The following DAB1 variants were observed in gnomAD, a reference collection of about 807,000 sequenced individuals.
DAB1 encodes DAB adaptor protein 1.
DAB1 carries 15 observed loss-of-function variants against 64.6 expected under a neutral mutation model. The ratio of observed to expected loss-of-function variants is 0.23; its 90% CI spans 0.16 to 0.36. The LOEUF is 0.36. DAB1 is among the 10% of genes least tolerant of loss of function. The pLI is 1.00. For synonymous variants in DAB1, 235 were observed against 251.9 expected (o/e 0.93, Z 0.64); for missense variants, 596 against 706.7 (o/e 0.84, Z 1.78).
chr1:57,722,166 A>T lies in DAB1; in HGVS notation n.552-72501T>A, dbSNP rs76689919. On this transcript the variant is annotated intron_variant and non_coding_transcript_variant, in intron 6 of 20. Coordinates refer to the DAB1 transcript ENST00000485760. ...ATCCAGAAAGCAGGGAGCAATTCAC[A>T]CTTTATGTAAAGCAATTCACACTTT... 2.9e-3 allele frequency among the ~76,000 whole-genome samples: 434 copies of T among 151,652 alleles called. 11 individuals carry two copies. The East Asian group carries it at 0.069, about 24-fold the overall frequency.
chr1:58,200,433 G>A (rs1304476939), intron 4 of DAB1, among the ~76,000 whole-genome samples: 1 of 151,942 alleles, frequency 6.6e-6, no homozygotes, highest in Non-Finnish European at 1.5e-5. Context: ...CCCTGGTTTA[G>A]CTAGTTTTTT....
intron 3 of DAB1, among the ~76,000 whole-genome samples, chr1:58,345,898 C>T (rs766226818): frequency 1.3e-5 from 2 of 152,290 alleles, no homozygotes; most frequent in Non-Finnish European, 1.5e-5. Flanking sequence ...CCTCCCTCCC[C>T]GTCCTGGGTC....
At chr1:57,690,923 T>C (rs1428539377) in intron 6 of DAB1, among the ~76,000 whole-genome samples, 1 of 152,212 alleles carries the variant, frequency 6.6e-6, no homozygotes, top group Non-Finnish European at 1.5e-5. Context: ...TATATGCCTG[T>C]TTACCATTTG....
intron 7 of DAB1, among the ~76,000 whole-genome samples, chr1:57,457,980 T>C (rs1171190074): frequency 6.6e-6 from 1 of 152,152 alleles, no homozygotes; most frequent in African/African-American, 2.4e-5. Context: ...AAAAACTTGC[T>C]GTACTTTAGG....
chr1:58,300,654 A>AGAG (rs1662145135), intron 4 of DAB1, among the ~76,000 whole-genome samples: 1 of 81,320 alleles, frequency 1.2e-5, no homozygotes, highest in Non-Finnish European at 2.4e-5. Context: ...GAGAGGAAGG[A>AGAG]AGGAAGGAAG....
intron 6 of DAB1, among the ~76,000 whole-genome samples, chr1:57,704,878 TTTCCTTCC>T (rs57907821): frequency 1.4e-4 from 20 of 146,368 alleles, no homozygotes; most frequent in Admixed American, 4.8e-4. Context: ...GGAAATTTCT[TTTCCTTCC>T]TTCCTTCCTT....
At chr1:57,435,501 ATCT>A (rs1350245279) in intron 7 of DAB1, among the ~76,000 whole-genome samples, 2 of 152,130 alleles carry the variant, frequency 1.3e-5, no homozygotes, top group Non-Finnish European at 2.9e-5. Flanking sequence ...CATTTTCCTT[ATCT>A]TCTTAGTCTA....
At chr1:58,537,972 C>T (rs192719788) in intron 1 of DAB1, among the ~76,000 whole-genome samples, 7 of 152,226 alleles carry the variant, frequency 4.6e-5, no homozygotes, top group Admixed American at 6.5e-5. Context: ...CTGGGATGAG[C>T]GTATTACTTC....
intron 3 of DAB1, among the ~76,000 whole-genome samples, chr1:58,368,515 C>T (rs563183392): frequency 6.6e-6 from 1 of 151,956 alleles, no homozygotes; most frequent in African/African-American, 2.4e-5. Context: ...GTAGCAGAGA[C>T]TCTTGTTTTC....
At chr1:57,968,910 T>C (rs1297667372) in intron 5 of DAB1, among the ~76,000 whole-genome samples, 1 of 152,182 alleles carries the variant, frequency 6.6e-6, no homozygotes, top group Non-Finnish European at 1.5e-5. Flanking sequence ...GTAAGACTTC[T>C]CATCTTTAAA....
intron 2 of DAB1, among the ~76,000 whole-genome samples, chr1:57,183,790 C>T (rs1347887452): frequency 6.6e-6 from 1 of 152,090 alleles, no homozygotes; most frequent in Non-Finnish European, 1.5e-5. Context: ...GAGAGATAGG[C>T]AGTACTCTAT....
intron 3 of DAB1, among the ~76,000 whole-genome samples, chr1:58,352,768 AG>A (rs1389387400): frequency 3.9e-5 from 6 of 152,078 alleles, no homozygotes; most frequent in Non-Finnish European, 7.4e-5. Flanking sequence ...GGCCTTTGAG[AG>A]GTGATGAGAT....
chr1:57,729,012 A>G (rs1414272975), intron 6 of DAB1, among the ~76,000 whole-genome samples: 1 of 152,216 alleles, frequency 6.6e-6, no homozygotes, highest in East Asian at 1.9e-4. Flanking sequence ...TAGTGTTCTC[A>G]TTGCAGATAA....
intron 4 of DAB1, among the ~76,000 whole-genome samples, chr1:58,258,390 C>A (rs1263640845): frequency 6.6e-6 from 1 of 152,220 alleles, no homozygotes; most frequent in Non-Finnish European, 1.5e-5. Context: ...TTTTGCAGGT[C>A]TAGCTGGGAG....
chr1:57,377,140 C>T (rs1388335808), intron 1 of DAB1, among the ~76,000 whole-genome samples: 2 of 151,980 alleles, frequency 1.3e-5, no homozygotes, highest in Admixed American at 6.6e-5. Flanking sequence ...CATGGTGGCA[C>T]GTGCCTGTAA....
At chr1:57,007,308 C>T (rs1196359866) in intron 14 of DAB1, among the ~76,000 whole-genome samples, 2 of 152,188 alleles carry the variant, frequency 1.3e-5, no homozygotes, top group Non-Finnish European at 2.9e-5. Flanking sequence ...ATTTACTTAG[C>T]CATTTAACCA....
chr1:57,794,412 A>T (rs1312466048), intron 6 of DAB1, among the ~76,000 whole-genome samples: 1 of 152,302 alleles, frequency 6.6e-6, no homozygotes, highest in Non-Finnish European at 1.5e-5. Flanking sequence ...TTGTTTTCTG[A>T]CAGTACCATG....
intron 5 of DAB1, among the ~76,000 whole-genome samples, chr1:58,025,655 A>ATATATATATATATATATATATGTG (rs1646882096): frequency 1.4e-5 from 1 of 73,040 alleles, no homozygotes; most frequent in African/African-American, 4.2e-5. Context: ...ATGTGTGTAT[A>ATATATATATATATATATATATGTG]TATATATATA....
intron 2 of DAB1, among the ~76,000 whole-genome samples, chr1:58,520,530 T>C (rs1646245869): frequency 6.6e-6 from 1 of 152,052 alleles, no homozygotes; most frequent in African/African-American, 2.4e-5. Context: ...GACTAACTTT[T>C]CCCCAAAAAA....
Sources: gnomAD v4.1 joint callset for allele counts (sites outside exome capture counted in the v4.1 genomes callset) on GRCh38, gnomAD v4.1.1 for gene constraint, MANE v1.5 for transcripts, NCBI Gene and HGNC (gene_info 2026-07-23, HGNC 2026-07-21) for gene names.